The following TRPC4 variants were observed in gnomAD, a reference collection of about 807,000 sequenced individuals.
The protein encoded by TRPC4 is transient receptor potential cation channel subfamily C member 4.
In TRPC4, 49 loss-of-function variants were observed where a neutral mutation model predicts 99.4. That is an observed-to-expected ratio of 0.49 (90% CI 0.39 to 0.63). TRPC4 has a LOEUF of 0.63. Among genes scored for constraint, TRPC4 ranks in the 20% least tolerant of loss-of-function variants. The pLI is 0.00. For missense variants in TRPC4, 898 were observed against 1,152.9 expected (o/e 0.78, Z 3.20); for synonymous variants, 454 against 425.9 (o/e 1.07, Z -0.81).
intron 1 of TRPC4, among the ~76,000 whole-genome samples, chr13:37,813,264 A>G (rs999724506): frequency 6.6e-6 from 1 of 151,898 alleles, no homozygotes; most frequent in Admixed American, 6.6e-5. Context: ...CAGTGCTTAC[A>G]AGGAAATTTA....
chr13:37,805,979 A>G (rs1957520460), intron 1 of TRPC4, among the ~76,000 whole-genome samples: 1 of 152,050 alleles, frequency 6.6e-6, no homozygotes, highest in Admixed American at 6.6e-5. Context: ...AGAATCAGAG[A>G]TGTCATTAAA....
intron 3 of TRPC4, among the ~76,000 whole-genome samples, chr13:37,700,773 G>C (rs1446504803): frequency 1.3e-5 from 2 of 152,024 alleles, no homozygotes; most frequent in African/African-American, 4.8e-5. Context: ...TATGTGAAGG[G>C]TTATATTTGT....
chr13:37,662,418 G>A (rs1043908279), intron 6 of TRPC4, among the ~76,000 whole-genome samples: 2 of 152,108 alleles, frequency 1.3e-5, no homozygotes, highest in Admixed American at 6.5e-5. Context: ...CAAATAAAAA[G>A]ATGATGAATA....
intron 3 of TRPC4, among the ~76,000 whole-genome samples, chr13:37,744,560 C>A (rs1955683829): frequency 6.6e-6 from 1 of 152,088 alleles, no homozygotes; most frequent in Non-Finnish European, 1.5e-5. Flanking sequence ...ACTAATCACA[C>A]AACTAGAGGA....
intron 8 of TRPC4, among the ~76,000 whole-genome samples, chr13:37,642,736 CTT>C (rs796528635): frequency 0.067 from 188 of 2,794 alleles, 2 homozygotes; most frequent in African/African-American, 0.2. Context: ...CTTTCTTTTT[CTT>C]TTTTTTTTTT....
At chr13:37,860,864 G>A (rs1959263086) in intron 1 of TRPC4, among the ~76,000 whole-genome samples, 1 of 151,304 alleles carries the variant, frequency 6.6e-6, no homozygotes. Context: ...AAGAAACAAA[G>A]GGTATGTGAA....
At chr13:37,769,861 T>C (rs1273217354) in intron 2 of TRPC4, among the ~76,000 whole-genome samples, 2 of 151,602 alleles carry the variant, frequency 1.3e-5, no homozygotes, top group Non-Finnish European at 3.0e-5. Flanking sequence ...TTAATAATCA[T>C]GACGATAATA....
chr13:37,864,360 A>G (rs922538627), intron 1 of TRPC4, among the ~76,000 whole-genome samples: 8 of 151,680 alleles, frequency 5.3e-5, no homozygotes, highest in Non-Finnish European at 1.0e-4. Flanking sequence ...TATAAATCCT[A>G]TAAAAATGAG....
At chr13:37,765,029 G>C (rs1162071730) in intron 2 of TRPC4, among the ~76,000 whole-genome samples, 1 of 150,904 alleles carries the variant, frequency 6.6e-6, no homozygotes, top group East Asian at 2.0e-4. Context: ...ATTTGTGAAA[G>C]ATTGAAATAG....
intron 3 of TRPC4, among the ~76,000 whole-genome samples, chr13:37,707,207 C>T (rs904393509): frequency 2.0e-5 from 3 of 152,150 alleles, no homozygotes; most frequent in African/African-American, 7.2e-5. Flanking sequence ...GTATTATTCA[C>T]TACTCATATA....
chr13:37,718,952 T>C (rs1169009654), intron 3 of TRPC4, among the ~76,000 whole-genome samples: 5 of 151,224 alleles, frequency 3.3e-5, no homozygotes, highest in African/African-American at 1.2e-4. Flanking sequence ...AGAATAACAA[T>C]GAAGAAAACT....
chr13:37,857,869 A>T (rs1322415055), intron 1 of TRPC4, among the ~76,000 whole-genome samples: 1 of 151,628 alleles, frequency 6.6e-6, no homozygotes, highest in Non-Finnish European at 1.5e-5. Context: ...AAAGGTTTTG[A>T]GTAATACCCC....
In TRPC4 at chr13:37,746,202, A is replaced by G; in HGVS notation, c.632T>C (p.Leu211Pro). 2 of 1,613,840 alleles carry G rather than the reference A, an allele frequency of 1.2e-6. No homozygotes were observed. Among genetic ancestry groups the G allele is most frequent in the Non-Finnish European group, 1.7e-6 (2 of 1,179,874 alleles). The change falls in exon 3 of 11, where the codon CTG becomes CCG. Residue 211 changes from leucine to proline, a missense_variant. Leu to Pro is a moderately conservative substitution (Grantham distance 98, BLOSUM62 -3). This residue lies in a region of TRPC4 where 278 missense variants were observed against 346.6 expected (regional missense o/e 0.80). Transcript: ENST00000379705. Reference sequence around the variant, plus strand: ...TGTGAGAAAAGGATCTTCGCTTGACAGTGCAATGAGAGAGGGACTGGCCAA... The same window carrying G: ...TGTGAGAAAAGGATCTTCGCTTGACGGTGCAATGAGAGAGGGACTGGCCAA... ...KALASPSLIA[L>P]SSEDPFLTAF...
At chr13:37,686,808 C>T (rs2138847792) in intron 4 of TRPC4, among the ~76,000 whole-genome samples, 1 of 152,236 alleles carries the variant, frequency 6.6e-6, no homozygotes, top group South Asian at 2.1e-4. Flanking sequence ...TCTCCTCATG[C>T]TCAGTGTGCA....
chr13:37,685,605 C>G (rs1162878951), intron 4 of TRPC4, among the ~76,000 whole-genome samples: 1 of 151,078 alleles, frequency 6.6e-6, no homozygotes, highest in African/African-American at 2.4e-5. Context: ...ATTCAAGAAT[C>G]TCATTTTTTT....
chr13:37,766,236 G>C (rs947228828), intron 2 of TRPC4, among the ~76,000 whole-genome samples: 1 of 151,294 alleles, frequency 6.6e-6, no homozygotes, highest in South Asian at 2.1e-4. Flanking sequence ...TCTCTAAATT[G>C]GATGCAGCAG....
intron 5 of TRPC4, among the ~76,000 whole-genome samples, chr13:37,673,594 A>G (rs1952938517): frequency 6.6e-6 from 1 of 152,168 alleles, no homozygotes; most frequent in Non-Finnish European, 1.5e-5. Context: ...AAAGAAACCC[A>G]ACAAAGTACA....
intron 3 of TRPC4, among the ~76,000 whole-genome samples, chr13:37,730,893 AT>A (rs1258296426): frequency 6.6e-6 from 1 of 152,040 alleles, no homozygotes; most frequent in Non-Finnish European, 1.5e-5. Flanking sequence ...GTAGAGGCAA[AT>A]AGTGAGGGAC....
chr13:37,661,236 A>C (rs1169964927), intron 6 of TRPC4, among the ~76,000 whole-genome samples: 1 of 152,224 alleles, frequency 6.6e-6, no homozygotes, highest in Non-Finnish European at 1.5e-5. Context: ...AATAAAATTT[A>C]TATTAAGCAT....
Sources: gnomAD v4.1 joint callset for allele counts (sites outside exome capture counted in the v4.1 genomes callset) on GRCh38, gnomAD v4.1.1 for gene constraint, gnomAD v4.1.1 regional missense constraint, MANE v1.5 for transcripts, NCBI Gene and HGNC (gene_info 2026-07-23, HGNC 2026-07-21) for gene names.